Variants in ITGAE observed in about 807,000 individuals in gnomAD.
The protein encoded by ITGAE is integrin subunit alpha E, also known as integrin alpha-E.
In ITGAE, 99 loss-of-function variants were observed where a neutral mutation model predicts 136.5. The ratio of observed to expected loss-of-function variants is 0.73; its 90% CI spans 0.62 to 0.86. The LOEUF is 0.86. Among genes scored for constraint, ITGAE ranks in the 40% least tolerant of loss-of-function variants. ITGAE has a pLI of 0.00. For missense variants in ITGAE, 1,447 were observed against 1,515.3 expected, an observed-to-expected ratio of 0.95 and a Z score of 0.75; for synonymous variants, 613 against 591.8, an observed-to-expected ratio of 1.04 and a Z score of -0.52.
In ITGAE at chr17:3,748,003, C is replaced by A. The variant is rs141709145; in HGVS notation, c.2074G>T (p.Ala692Ser). ...ACGCCGTTGAAGCCGATGGGCAGTG[C>A]GCTGGGGGTGAAGGCCATGGAGACC... ...LKVSMAFTPS[A>S]LPIGFNGVVN... The change falls in exon 17 of 31, where the codon GCA becomes TCA. Residue 692 changes from alanine (A) to serine (S), a missense_variant. This residue lies in a region of ITGAE where 1,031 missense variants were observed against 1,011.4 expected (regional missense o/e 1.02). Transcript: ENST00000263087. 8.7e-6 allele frequency: 14 copies of A among 1,613,072 alleles called. No individual in the cohort carries two copies. Among genetic ancestry groups the A allele is most frequent in the Non-Finnish European group, 1.2e-5 (14 of 1,179,360 alleles).
At chr17:3,781,077 T>C (rs941525959) in intron 1 of ITGAE, among the ~76,000 whole-genome samples, 5 of 152,234 alleles carry the variant, frequency 3.3e-5, no homozygotes, top group African/African-American at 1.2e-4. Context: ...CTCATGTACA[T>C]TATTCATTTT....
At chr17:3,757,385 G>T (rs2052054522) in intron 9 of ITGAE, among the ~76,000 whole-genome samples, 1 of 152,036 alleles carries the variant, frequency 6.6e-6, no homozygotes, top group African/African-American at 2.4e-5. Flanking sequence ...CTGCCTGCAG[G>T]GCCCCTCTCT....
In ITGAE at chr17:3,797,169, T is replaced by A. The variant is rs1180673395; in HGVS notation, c.34+3942A>T. On this transcript the variant is annotated intron_variant, in intron 1 of 30. Coordinates refer to ENST00000263087, the MANE Select transcript of ITGAE (RefSeq NM_002208.5). ...TATATATATATATATTTTTTTTTTT[T>A]TTTTTTTTTTTTTTGAGACGGAGTC... 4.6e-3 allele frequency among the ~76,000 whole-genome samples: 578 copies of A among 124,980 alleles called. 16 individuals are homozygous for A. Among genetic ancestry groups the A allele is most frequent in the Middle Eastern group, 0.013 (3 of 236 alleles). The allele number at this position is 124,980 out of a possible 152,430, so 82.0% of individuals were successfully genotyped here.
intron 3 of ITGAE, 115 bp downstream of exon 3, chr17:3,763,754 G>A (rs2052228612): frequency 2.5e-6 from 2 of 816,194 alleles, no homozygotes; most frequent in Admixed American, 3.7e-5. Context: ...GGAGTCTAGG[G>A]GTGAACGGGC....
chr17:3,792,928 C>T (rs1211730059), intron 1 of ITGAE, among the ~76,000 whole-genome samples: 1 of 152,210 alleles, frequency 6.6e-6, no homozygotes, highest in East Asian at 1.9e-4. Flanking sequence ...AAACCCTGCA[C>T]CCCAGCTTTT....
intron 26 of ITGAE, chr17:3,725,319 A>G (rs1402270435): frequency 6.2e-7 from 1 of 1,614,096 alleles, no homozygotes; most frequent in African/African-American, 1.3e-5. Flanking sequence ...TGATGCTGAA[A>G]AGGTTTATGG....
intron 19 of ITGAE, among the ~76,000 whole-genome samples, chr17:3,740,938 G>A (rs577733297): frequency 6.6e-6 from 1 of 152,342 alleles, no homozygotes; most frequent in East Asian, 1.9e-4. Flanking sequence ...CCACGGCCTA[G>A]AGGGGGAATG....
intron 1 of ITGAE, among the ~76,000 whole-genome samples, chr17:3,795,270 T>A (rs1338569623): frequency 6.6e-6 from 1 of 152,054 alleles, no homozygotes; most frequent in Non-Finnish European, 1.5e-5. Context: ...GTGATCTGAG[T>A]CACACACAAC....
chr17:3,797,143 ATATATATATATATATTTTTTTT>A (rs2053125632), intron 1 of ITGAE, among the ~76,000 whole-genome samples: 3 of 40,958 alleles, frequency 7.3e-5, no homozygotes, highest in East Asian at 6.8e-4. Context: ...GAAACTAAAT[ATATATATATATATATTTTTTTT>A]TTTTTTTTTT....
chr17:3,724,439 G>C (rs765069883), intron 26 of ITGAE: 1 of 1,613,460 alleles, frequency 6.2e-7, no homozygotes, highest in East Asian at 2.2e-5. Context: ...GTGCCTCCCT[G>C]TTCAGCTCTC....
intron 26 of ITGAE, chr17:3,726,403 C>CTGTGGGGACGGAGGTTGA: frequency 1.8e-6 from 2 of 1,082,512 alleles, no homozygotes; most frequent in Non-Finnish European, 2.7e-6. Context: ...TTTCAACCTC[C>CTGTGGGGACGGAGGTTGA]ATCCCCACAG....
intron 8 of ITGAE, among the ~76,000 whole-genome samples, chr17:3,759,058 G>A (rs932264690): frequency 2.3e-4 from 35 of 150,820 alleles, no homozygotes; most frequent in Admixed American, 1.9e-3. Flanking sequence ...CTGGGAGGCG[G>A]AGCTTGCAGT....
At chr17:3,795,888 CGTGT>C (rs540708944) in intron 1 of ITGAE, among the ~76,000 whole-genome samples, 1 of 127,372 alleles carries the variant, frequency 7.9e-6, no homozygotes, top group Non-Finnish European at 1.6e-5. Context: ...CGTGTGCATC[CGTGT>C]GTGTGCATCT....
intron 1 of ITGAE, among the ~76,000 whole-genome samples, chr17:3,796,305 A>G (rs2053102496): frequency 1.3e-5 from 2 of 152,084 alleles, no homozygotes; most frequent in African/African-American, 4.8e-5. Flanking sequence ...CAGGCCCAAC[A>G]GTTTGCCTTT....
chr17:3,715,145 GA>G (rs1370682471), intron 30 of ITGAE, among the ~76,000 whole-genome samples: 1 of 152,166 alleles, frequency 6.6e-6, no homozygotes, highest in Non-Finnish European at 1.5e-5. Flanking sequence ...AATCAGAACT[GA>G]CTCCACCTTC....
At chr17:3,715,531 C>A (rs984712592) in intron 30 of ITGAE, among the ~76,000 whole-genome samples, 1 of 151,974 alleles carries the variant, frequency 6.6e-6, no homozygotes, top group Non-Finnish European at 1.5e-5. Context: ...CGCAGAGGCA[C>A]GAACCTATTT....
intron 17 of ITGAE, among the ~76,000 whole-genome samples, chr17:3,747,016 T>G (rs2051733369): frequency 6.6e-6 from 1 of 152,242 alleles, no homozygotes; most frequent in Non-Finnish European, 1.5e-5. Context: ...CCTGAGAGAT[T>G]AAACCTCGGG....
intron 16 of ITGAE, among the ~76,000 whole-genome samples, chr17:3,749,002 G>A (rs1037029575): frequency 8.5e-5 from 13 of 152,144 alleles, no homozygotes; most frequent in African/African-American, 2.2e-4. Flanking sequence ...AGAATGGAGC[G>A]CAGGGGCTGG....
At chr17:3,735,088 G>T in intron 20 of ITGAE, 139 bp from the exon 21 acceptor site, 1 of 906,378 alleles carries the variant, frequency 1.1e-6, no homozygotes, top group Non-Finnish European at 1.7e-6. Flanking sequence ...CCACTTCCTG[G>T]GTTCAAGTGA....
Sources: allele counts gnomAD v4.1 joint callset (sites outside exome capture counted in the v4.1 genomes callset), GRCh38; gene constraint gnomAD v4.1.1; regional missense constraint gnomAD v4.1.1; transcripts MANE v1.5; gene names NCBI Gene and HGNC (gene_info 2026-07-23, HGNC 2026-07-21).